Variants in ANKS1B observed in about 807,000 individuals in gnomAD.
The protein encoded by ANKS1B is ankyrin repeat and sterile alpha motif domain containing 1B.
ANKS1B carries 36 observed loss-of-function variants against 148.3 expected under a neutral mutation model. The ratio of observed to expected loss-of-function variants is 0.24; its 90% CI spans 0.19 to 0.32. ANKS1B has a LOEUF of 0.32. Among genes scored for constraint, ANKS1B ranks in the 10% least tolerant of loss-of-function variants. ANKS1B has a pLI of 1.00. For missense variants in ANKS1B, 1,157 were observed against 1,542.6 expected (o/e 0.75, Z 4.19); for synonymous variants, 542 against 560.8 (o/e 0.97, Z 0.47).
intron 12 of ANKS1B, among the ~76,000 whole-genome samples, chr12:99,377,287 G>A (rs111819979): frequency 3.4e-4 from 51 of 152,202 alleles, no homozygotes; most frequent in Non-Finnish European, 6.0e-4. Flanking sequence ...TTATGGGTGT[G>A]AGCCTGAGTT....
chr12:99,550,658 A>C (rs2097209652), intron 9 of ANKS1B, among the ~76,000 whole-genome samples: 2 of 151,942 alleles, frequency 1.3e-5, no homozygotes, highest in African/African-American at 4.8e-5. Context: ...GAAGTTATGT[A>C]GAAATTTTTA....
chr12:98,822,529 C>CCT (rs2099205925), intron 19 of ANKS1B, among the ~76,000 whole-genome samples: 1 of 152,200 alleles, frequency 6.6e-6, no homozygotes. Flanking sequence ...ATCACAAGGT[C>CCT]AATTCCACTG....
intron 8 of ANKS1B, among the ~76,000 whole-genome samples, chr12:99,706,922 C>A (rs2055875246): frequency 6.6e-6 from 1 of 152,074 alleles, no homozygotes; most frequent in Non-Finnish European, 1.5e-5. Context: ...CCAGATCCTT[C>A]CCCAGTCGAG....
chr12:99,756,904 C>T (rs2061620553), intron 8 of ANKS1B, among the ~76,000 whole-genome samples: 1 of 152,110 alleles, frequency 6.6e-6, no homozygotes, highest in Non-Finnish European at 1.5e-5. Flanking sequence ...ATGCAGAAAA[C>T]TGAAACTGTA....
intron 22 of ANKS1B, chr12:98,795,774 T>C: frequency 2.6e-6 from 1 of 378,440 alleles, no homozygotes; most frequent in Non-Finnish European, 5.1e-6. Flanking sequence ...GTGTGGGTAG[T>C]GGAGTGGACT....
At chr12:99,495,276 T>C (rs1414387018) in intron 10 of ANKS1B, among the ~76,000 whole-genome samples, 4 of 152,058 alleles carry the variant, frequency 2.6e-5, no homozygotes, top group African/African-American at 9.7e-5. Context: ...TTTTTAGAAA[T>C]CTTACTAGTC....
chr12:99,461,435 A>G (rs1230758880), intron 10 of ANKS1B, among the ~76,000 whole-genome samples: 1 of 152,180 alleles, frequency 6.6e-6, no homozygotes, highest in Non-Finnish European at 1.5e-5. Flanking sequence ...AAATTAAAAA[A>G]AAAGAAGAAG....
chr12:99,658,976 A>G (rs2098463260), intron 8 of ANKS1B, among the ~76,000 whole-genome samples: 1 of 152,202 alleles, frequency 6.6e-6, no homozygotes, highest in Non-Finnish European at 1.5e-5. Flanking sequence ...TATTGAATGA[A>G]TCACTGAATA....
intron 15 of ANKS1B, among the ~76,000 whole-genome samples, chr12:99,117,154 T>C (rs1264299118): frequency 6.6e-6 from 1 of 152,160 alleles, no homozygotes; most frequent in Admixed American, 6.5e-5. Context: ...AAACAGACAG[T>C]TTGACTTCCT....
At chr12:98,789,371 C>T (rs77571192) in intron 22 of ANKS1B, among the ~76,000 whole-genome samples, 1,811 of 151,176 alleles carry the variant, frequency 0.012, 32 homozygotes, top group African/African-American at 0.04. Flanking sequence ...GAAAAAACAA[C>T]GATAGAGTTA....
chr12:99,189,301 C>T (rs1178498129), intron 14 of ANKS1B, among the ~76,000 whole-genome samples: 1 of 152,070 alleles, frequency 6.6e-6, no homozygotes. Flanking sequence ...TGAAACTATT[C>T]CAAACAATAG....
At chr12:99,272,898 T>C (rs2077203791) in intron 12 of ANKS1B, among the ~76,000 whole-genome samples, 2 of 152,230 alleles carry the variant, frequency 1.3e-5, no homozygotes, top group South Asian at 4.1e-4. Flanking sequence ...GCTATTCCAC[T>C]GATTATTGTG....
intron 26 of ANKS1B, among the ~76,000 whole-genome samples, chr12:98,746,133 CGAGGGGAAGA>C (rs960254257): frequency 6.6e-6 from 1 of 152,100 alleles, no homozygotes; most frequent in African/African-American, 2.4e-5. Context: ...AGGTGAGATA[CGAGGGGAAGA>C]GAGGGCACCA....
At chr12:99,295,593 C>T (rs1031241950) in intron 12 of ANKS1B, among the ~76,000 whole-genome samples, 2 of 151,956 alleles carry the variant, frequency 1.3e-5, no homozygotes. Context: ...ATGGATTATA[C>T]TTTCAGTGTC....
At chr12:99,131,835 C>T (rs1359380188) in intron 15 of ANKS1B, among the ~76,000 whole-genome samples, 1 of 152,226 alleles carries the variant, frequency 6.6e-6, no homozygotes, top group Non-Finnish European at 1.5e-5. Context: ...CCTACTCAGC[C>T]TCCTTCTGTT....
In ANKS1B at chr12:99,607,272, T is replaced by C. The variant is rs577694694; in HGVS notation, c.1272+47795A>G. 7.8e-4 allele frequency among the ~76,000 whole-genome samples: 118 copies of C among 152,224 alleles called. 1 individual carries two copies. Among genetic ancestry groups the C allele is most frequent in the Non-Finnish European group, 1.4e-3 (98 of 68,004 alleles). On this transcript the variant is annotated intron_variant, in intron 9 of 26. Coordinates refer to ENST00000683438, the MANE Select transcript of ANKS1B (RefSeq NM_001352186.2). ...CTCACAAGATGTACACAAGGCTTTA[T>C]GGGAGCCTAGCAGTCATTCCCCCTA...
chr12:99,654,600 G>A (rs571648289), intron 9 of ANKS1B, among the ~76,000 whole-genome samples: 2 of 152,130 alleles, frequency 1.3e-5, no homozygotes, highest in East Asian at 3.9e-4. Context: ...TTAGTGTTCT[G>A]GTTTCATTTT....
chr12:99,177,914 C>T (rs537821864), intron 14 of ANKS1B, among the ~76,000 whole-genome samples: 1 of 152,238 alleles, frequency 6.6e-6, no homozygotes, highest in Admixed American at 6.5e-5. Flanking sequence ...CTTCAATTTT[C>T]AGTTCATTGT....
At chr12:99,082,170 ACCTT>A (rs2050023732) in intron 16 of ANKS1B, among the ~76,000 whole-genome samples, 1 of 152,156 alleles carries the variant, frequency 6.6e-6, no homozygotes, top group South Asian at 2.1e-4. Context: ...AAGGTCCCTG[ACCTT>A]ATGGACCTTG....
Sources: gnomAD v4.1 joint callset for allele counts (sites outside exome capture counted in the v4.1 genomes callset) on GRCh38, gnomAD v4.1.1 for gene constraint, MANE v1.5 for transcripts, NCBI Gene and HGNC (gene_info 2026-07-23, HGNC 2026-07-21) for gene names.